Variants in SLC2A3 observed in about 807,000 individuals in gnomAD.
The protein encoded by SLC2A3 is solute carrier family 2 member 3, also known as solute carrier family 2, facilitated glucose transporter member 3.
SLC2A3 carries 21 observed loss-of-function variants against 46.4 expected under a neutral mutation model. The observed-to-expected ratio is 0.45, with a 90% CI of 0.32 to 0.65. The LOEUF is 0.65. SLC2A3 is among the 30% of genes least tolerant of loss of function. SLC2A3 has a pLI of 0.04. For missense variants in SLC2A3, 499 were observed against 623.3 expected (o/e 0.80, Z 2.12); for synonymous variants, 213 against 239.4 (o/e 0.89, Z 1.02).
chr12:7,927,479 C>A (rs1946107473), intron 6 of SLC2A3, among the ~76,000 whole-genome samples: 1 of 152,098 alleles, frequency 6.6e-6, no homozygotes, highest in Admixed American at 6.6e-5. Flanking sequence ...CCTACATCAT[C>A]TCACCTAAAT....
chr12:7,935,375 C>T (rs1592359931), intron 1 of SLC2A3, among the ~76,000 whole-genome samples: 3 of 152,146 alleles, frequency 2.0e-5, no homozygotes, highest in African/African-American at 7.2e-5. Context: ...TCGCTTGAAC[C>T]CGGGAGGCGG....
At chr12:7,923,196 T>TAAGACC in intron 8 of SLC2A3, 172 bp from the exon 9 acceptor site, 1 of 687,412 alleles carries the variant, frequency 1.5e-6, no homozygotes, top group Non-Finnish European at 2.4e-6. Context: ...TGAGACAGGG[T>TAAGACC]CTTACTCTGT....
chr12:7,933,056 A>G lies in SLC2A3; in HGVS notation c.200T>C (p.Val67Ala), dbSNP rs779768981. 7.8e-5 allele frequency: 126 copies of G among 1,614,144 alleles called. No individual in the cohort carries two copies. The South Asian group carries it at 1.3e-3, about 16-fold the overall frequency. Residue 67 changes from valine to alanine, a missense_variant, in exon 3 of 10, where the codon GTG becomes GCG. Val to Ala is a moderately conservative substitution (Grantham distance 64). Coordinates refer to ENST00000075120, the MANE Select transcript of SLC2A3 (RefSeq NM_006931.3). ...VLLTSLWSLS[V>A]AIFSVGGMIG... ...CATACCCCCGACGGAAAATATGGCC[A>G]CAGACAAGGACCAGAGAGACGTGAG...
intron 4 of SLC2A3, 83 bp from the exon 5 acceptor site, chr12:7,930,725 C>A (rs2121195687): frequency 7.2e-7 from 1 of 1,380,882 alleles, no homozygotes; most frequent in Non-Finnish European, 9.8e-7. Context: ...TTCAGAAAAT[C>A]ATACATTCTT....
At chr12:7,933,692 T>C in intron 2 of SLC2A3, 118 bp downstream of exon 2, 1 of 1,026,140 alleles carries the variant, frequency 9.7e-7, no homozygotes. Context: ...GCCTCAGGAG[T>C]AGCTGGGACT....
At chr12:7,933,250 A>G in intron 2 of SLC2A3, 103 bp from the exon 3 acceptor site, 2 of 1,232,730 alleles carry the variant, frequency 1.6e-6, no homozygotes, top group Non-Finnish European at 2.3e-6. Context: ...CAAGGGAATA[A>G]ATAGACAGGA....
chr12:7,922,054 C>T (rs923283819), intron 9 of SLC2A3, among the ~76,000 whole-genome samples: 2 of 151,764 alleles, frequency 1.3e-5, no homozygotes, highest in African/African-American at 4.8e-5. Context: ...CGGAATCTCG[C>T]TCTGTCACCC....
At chr12:7,933,252 T>C in intron 2 of SLC2A3, 105 bp from the exon 3 acceptor site, 7 of 1,233,362 alleles carry the variant, frequency 5.7e-6, no homozygotes, top group East Asian at 2.4e-5. Flanking sequence ...AGGGAATAAA[T>C]AGACAGGAAT....
Position 7,926,592 on chromosome 12 carries a change from G to C in SLC2A3, c.862-644C>G, listed in dbSNP as rs12305337. 2.1e-3 allele frequency among the ~76,000 whole-genome samples: 322 copies of C among 152,180 alleles called. 4 individuals are homozygous for C. Among genetic ancestry groups the C allele is most frequent in the African/African-American group, 7.2e-3 (301 of 41,526 alleles). ...TTGCCCAGGCTGGTCCTAAACTCTT[G>C]GTCTCAAGTGATCCTCCTGCCTCTC... On this transcript the variant is annotated intron_variant, in intron 6 of 9. Transcript: ENST00000075120.
chr12:7,924,730 TCAGGCCTCAGGAG>T (rs1380377606), intron 7 of SLC2A3, among the ~76,000 whole-genome samples: 5 of 142,148 alleles, frequency 3.5e-5, no homozygotes, highest in East Asian at 2.0e-4. Context: ...TTGGGATGCT[TCAGGCCTCAGGAG>T]CAGGCCTCAG....
intron 2 of SLC2A3, 95 bp downstream of exon 2, chr12:7,933,715 C>T (rs1946183012): frequency 1.5e-6 from 2 of 1,334,790 alleles, no homozygotes. Flanking sequence ...AGGCAGATGC[C>T]ACCATGCCTG....
At chr12:7,935,237 T>C (rs1946200298) in intron 1 of SLC2A3, among the ~76,000 whole-genome samples, 1 of 152,134 alleles carries the variant, frequency 6.6e-6, no homozygotes, top group Non-Finnish European at 1.5e-5. Flanking sequence ...GCGGATCGCC[T>C]GAGGTCGGGA....
intron 6 of SLC2A3, among the ~76,000 whole-genome samples, chr12:7,927,837 A>G (rs1946111416): frequency 6.6e-6 from 1 of 152,142 alleles, no homozygotes; most frequent in Non-Finnish European, 1.5e-5. Context: ...CCGGCACTTT[A>G]GGAGAGAGAG....
chr12:7,924,383 C>G, intron 8 of SLC2A3, 27 bp downstream of exon 8: 1 of 1,606,034 alleles, frequency 6.2e-7, no homozygotes, highest in Non-Finnish European at 8.5e-7. Context: ...TTCCCCCTCC[C>G]TTTTTTTTCA....
intron 2 of SLC2A3, 65 bp from the exon 3 acceptor site, chr12:7,933,212 A>G: frequency 6.6e-7 from 1 of 1,526,404 alleles, no homozygotes; most frequent in East Asian, 2.3e-5. Context: ...AAAGACAAAC[A>G]TTAGGGATCA....
At chr12:7,925,638 C>G (rs1565603036) in intron 7 of SLC2A3, 1 of 523,484 alleles carries the variant, frequency 1.9e-6, no homozygotes, top group African/African-American at 1.9e-5. Flanking sequence ...CTATATAGTC[C>G]CTTCTATACT....
At position 7,920,283 on chromosome 12, in the gene SLC2A3, C is replaced by A. The variant is rs1195674803; in HGVS notation, c.*1130G>T. On this transcript the variant is annotated 3_prime_UTR_variant, in exon 10 of 10. Transcript: ENST00000075120. ...AAAAATAATGAATCTCTACCAAGAA[C>A]CAATTATTTTAGGTTTCTTATTTGG... is the stretch of plus-strand genomic sequence containing the variant. 2 of 151,996 alleles carry A rather than the reference C, an allele frequency of 1.3e-5. No homozygotes were observed. Among genetic ancestry groups the A allele is most frequent in the African/African-American group, 2.4e-5 (1 of 41,360 alleles). The allele number at this position is 151,996 out of a possible 1,614,324, so 9.4% of individuals were successfully genotyped here.
intron 2 of SLC2A3, 173 bp from the exon 3 acceptor site, chr12:7,933,320 A>G (rs1329502628): frequency 2.3e-5 from 19 of 823,274 alleles, no homozygotes; most frequent in African/African-American, 6.9e-5. Flanking sequence ...TAGTAATTCT[A>G]TTTGTCCTGA....
chr12:7,936,020 C>T lies in SLC2A3; in HGVS notation c.15G>A (p.Lys5=). 1 of 1,604,218 alleles carries T rather than the reference C, an allele frequency of 6.2e-7. No homozygotes were observed. The highest frequency in any genetic ancestry group is 1.7e-5 in the Admixed American group (1 of 59,994). The change falls in exon 1 of 10, where the codon AAG becomes AAA. Residue 5 remains lysine, a splice_region_variant and synonymous_variant. Transcript: ENST00000075120. The stretch of plus-strand genomic sequence containing the variant: ...TAACCAGTAATTATATCATTCTTAC[C>T]TTCTGTGTCCCCATCGCTGTAATCT... MGTQ[K]VTPALIFAIT...
Sources: allele counts gnomAD v4.1 joint callset (sites outside exome capture counted in the v4.1 genomes callset), GRCh38; gene constraint gnomAD v4.1.1; transcripts MANE v1.5; gene names NCBI Gene and HGNC (gene_info 2026-07-23, HGNC 2026-07-21).